THSD7A: variants seen among roughly 807,000 people sequenced by gnomAD.
The protein encoded by THSD7A is thrombospondin type 1 domain containing 7A.
Under a neutral mutation model 231.3 loss-of-function variants are expected in THSD7A, and 96 were observed. The ratio of observed to expected loss-of-function variants is 0.41; its 90% CI spans 0.35 to 0.49. THSD7A has a LOEUF of 0.49. Among genes scored for constraint, THSD7A ranks in the 20% least tolerant of loss-of-function variants. The pLI, the probability that THSD7A is intolerant of heterozygous loss-of-function variation, is 0.05. For missense variants in THSD7A, 2,290 were observed against 2,070.2 expected, an observed-to-expected ratio of 1.11 and a Z score of -2.06; for synonymous variants, 940 against 743.3, an observed-to-expected ratio of 1.26 and a Z score of -4.30.
chr7:11,520,439 T>G (rs1445161718), intron 6 of THSD7A, among the ~76,000 whole-genome samples: 1 of 152,194 alleles, frequency 6.6e-6, no homozygotes, highest in Non-Finnish European at 1.5e-5. Flanking sequence ...ATGACTTATT[T>G]AAAATTAATT....
At chr7:11,704,926 G>C (rs930592900) in intron 1 of THSD7A, among the ~76,000 whole-genome samples, 2 of 151,082 alleles carry the variant, frequency 1.3e-5, no homozygotes, top group Non-Finnish European at 3.0e-5. Context: ...CCAAAAATAA[G>C]TGTACCATCA....
chr7:11,682,886 T>A (rs931163782), intron 1 of THSD7A, among the ~76,000 whole-genome samples: 20 of 151,468 alleles, frequency 1.3e-4, no homozygotes, highest in African/African-American at 4.6e-4. Flanking sequence ...AAAAAAAAAA[T>A]CACCGAGGCT....
chr7:11,460,101 A>G (rs1414028449), intron 11 of THSD7A, among the ~76,000 whole-genome samples: 1 of 152,114 alleles, frequency 6.6e-6, no homozygotes, highest in Non-Finnish European at 1.5e-5. Context: ...TTTCTGCAAG[A>G]TTCCACGTTA....
At position 11,375,091 on chromosome 7, in the gene THSD7A, CCAGA is replaced by C. The variant is rs1373013664; in HGVS notation, c.*699_*702del. 1.3e-5 allele frequency: 2 copies of C among 151,866 alleles called. No homozygotes were observed. Among genetic ancestry groups the C allele is most frequent in the Non-Finnish European group, 2.9e-5 (2 of 67,938 alleles). 9.4% of individuals were successfully genotyped at this position (151,866 alleles called of 1,614,324 possible). A position where few individuals can be genotyped will look rare whatever the true frequency, so the allele number is the denominator to read the frequency against. On this transcript the variant is annotated 3_prime_UTR_variant, in exon 28 of 28. Coordinates refer to ENST00000423059, the MANE Select transcript of THSD7A (RefSeq NM_015204.3). ...GTATTAACACAAGTAAATTAGTTTT[CCAGA>C]CAATTACCACTATAAAATACTGAAC...
At chr7:11,429,487 C>A (rs1043095642) in intron 13 of THSD7A, among the ~76,000 whole-genome samples, 3 of 152,174 alleles carry the variant, frequency 2.0e-5, no homozygotes, top group Non-Finnish European at 4.4e-5. Context: ...TTCTATAAAA[C>A]CCTATCTGTT....
intron 1 of THSD7A, among the ~76,000 whole-genome samples, chr7:11,667,697 A>C (rs1016679293): frequency 6.6e-6 from 1 of 152,178 alleles, no homozygotes. Flanking sequence ...CTAGACAAAT[A>C]AGTAATGCAT....
rs913869479 is a variant in THSD7A, at chr7:11,682,049, C to T, written c.191-45088G>A. Among the ~76,000 whole-genome samples the T allele has an allele frequency of 5.3e-5, 8 of 152,130 alleles. No individual in the cohort carries two copies. In the South Asian group the frequency reaches 1.7e-3, roughly 32 times the overall value. On this transcript the variant is annotated intron_variant, in intron 1 of 27. Coordinates refer to ENST00000423059, the MANE Select transcript of THSD7A (RefSeq NM_015204.3). ...AGAAATAAAGTCTTTTCTCAATAAG[C>T]AATCACTAAGGGAGTTTGTTACCAT...
intron 23 of THSD7A, among the ~76,000 whole-genome samples, chr7:11,391,653 T>G (rs575118712): frequency 6.6e-6 from 1 of 152,112 alleles, no homozygotes; most frequent in African/African-American, 2.4e-5. Flanking sequence ...CCAGGTGCCA[T>G]TGGGGTATGA....
At chr7:11,568,562 T>C (rs1416154651) in intron 4 of THSD7A, among the ~76,000 whole-genome samples, 2 of 134,810 alleles carry the variant, frequency 1.5e-5, no homozygotes, top group African/African-American at 5.6e-5. Context: ...GAGGCAGAGC[T>C]TGCAGTGAGC....
At position 11,798,412 on chromosome 7, in the gene THSD7A, A is replaced by T. The variant is rs561123612; in HGVS notation, c.190+33345T>A. On this transcript the variant is annotated intron_variant, in intron 1 of 27. Coordinates refer to ENST00000423059, the MANE Select transcript of THSD7A (RefSeq NM_015204.3). ...CTTGAACATGGGGAGCGTAGGTTGC[A>T]GTGAGCTGAGATTACATCATCGCAC... Among the ~76,000 whole-genome samples the T allele has an allele frequency of 5.3e-5, 8 of 152,150 alleles. No individual in the cohort carries two copies. In the South Asian group the frequency reaches 1.7e-3, roughly 32 times the overall value.
intron 10 of THSD7A, among the ~76,000 whole-genome samples, chr7:11,461,349 A>G (rs762865920): frequency 1.3e-5 from 2 of 152,178 alleles, no homozygotes; most frequent in African/African-American, 2.4e-5. Flanking sequence ...GTCATCTTAA[A>G]TATTTATTTT....
intron 2 of THSD7A, among the ~76,000 whole-genome samples, chr7:11,633,936 C>G (rs1781743972): frequency 6.6e-6 from 1 of 152,058 alleles, no homozygotes; most frequent in Admixed American, 6.5e-5. Context: ...TTAATAGAAG[C>G]TAAAACATTT....
At chr7:11,399,934 G>A (rs1783335967) in intron 23 of THSD7A, among the ~76,000 whole-genome samples, 1 of 152,032 alleles carries the variant, frequency 6.6e-6, no homozygotes, top group African/African-American at 2.4e-5. Context: ...ATGATAGACT[G>A]GATTAAGAAA....
chr7:11,779,699 G>A (rs1438349016), intron 1 of THSD7A, among the ~76,000 whole-genome samples: 1 of 152,100 alleles, frequency 6.6e-6, no homozygotes, highest in Non-Finnish European at 1.5e-5. Context: ...ATCCTCCTCT[G>A]AATGCATCAT....
At chr7:11,559,552 G>A (rs918364113) in intron 4 of THSD7A, among the ~76,000 whole-genome samples, 1 of 134,926 alleles carries the variant, frequency 7.4e-6, no homozygotes, top group Non-Finnish European at 1.6e-5. Context: ...TATATGTATA[G>A]GATAAGGATG....
At chr7:11,375,905 AAG>A in intron 27 of THSD7A, 27 bp from the exon 28 acceptor site, 1 of 1,602,456 alleles carries the variant, frequency 6.2e-7, no homozygotes, top group Non-Finnish European at 8.5e-7. Flanking sequence ...AATTAGGAGA[AAG>A]AAAATCAGTT....
At chr7:11,578,072 G>A (rs1039009318) in intron 4 of THSD7A, among the ~76,000 whole-genome samples, 19 of 152,238 alleles carry the variant, frequency 1.2e-4, no homozygotes, top group African/African-American at 4.6e-4. Flanking sequence ...AACACATACT[G>A]TAAAGAGACA....
chr7:11,447,490 T>C, intron 11 of THSD7A, 66 bp from the exon 12 acceptor site: 1 of 1,346,362 alleles, frequency 7.4e-7, no homozygotes, highest in Non-Finnish European at 9.8e-7. Context: ...ATTTAGAAGC[T>C]AACCTAACAT....
chr7:11,402,796 C>T (rs1175624894), intron 22 of THSD7A, among the ~76,000 whole-genome samples: 2 of 152,146 alleles, frequency 1.3e-5, no homozygotes, highest in Non-Finnish European at 2.9e-5. Flanking sequence ...TTATGAAGTT[C>T]TAATTTCTTC....
Sources: gnomAD v4.1 joint callset for allele counts (sites outside exome capture counted in the v4.1 genomes callset) on GRCh38, gnomAD v4.1.1 for gene constraint, MANE v1.5 for transcripts, NCBI Gene and HGNC (gene_info 2026-07-23, HGNC 2026-07-21) for gene names.